Variants in CA5A observed in about 807,000 individuals in gnomAD.
The protein encoded by CA5A is carbonic anhydrase 5A, also known as carbonic anhydrase 5A, mitochondrial.
CA5A carries 28 observed loss-of-function variants against 37.1 expected under a neutral mutation model. That is an observed-to-expected ratio of 0.75 (90% CI 0.56 to 1.03). CA5A has a LOEUF of 1.03. Ranked by LOEUF, CA5A falls within the 50% of genes least tolerant of loss-of-function variation. The probability of loss-of-function intolerance (pLI) is 0.00; values close to 1 mark genes in which losing one functional copy is unlikely to be tolerated. For synonymous variants in CA5A, 171 were observed against 158.4 expected (o/e 1.08, Z -0.60); for missense variants, 444 against 399.9 (o/e 1.11, Z -0.94).
At chr16:87,916,108 C>T (rs1186057775) in intron 2 of CA5A, among the ~76,000 whole-genome samples, 1 of 147,298 alleles carries the variant, frequency 6.8e-6, no homozygotes, top group East Asian at 2.0e-4. Flanking sequence ...GTGGAGCTTG[C>T]AGTGAGCAGA....
At chr16:87,916,297 A>G (rs949486566) in intron 2 of CA5A, among the ~76,000 whole-genome samples, 6 of 152,322 alleles carry the variant, frequency 3.9e-5, no homozygotes, top group South Asian at 2.1e-4. Context: ...CCTGGCCCAC[A>G]TGGTGAAACC....
intron 2 of CA5A, among the ~76,000 whole-genome samples, chr16:87,920,257 C>T (rs913533941): frequency 1.3e-5 from 2 of 152,184 alleles, no homozygotes; most frequent in Non-Finnish European, 2.9e-5. Context: ...TCCTCCTGCT[C>T]CCTCCCTTCC....
chr16:87,936,086 C>T (rs1457271995), intron 1 of CA5A, among the ~76,000 whole-genome samples: 10 of 150,836 alleles, frequency 6.6e-5, no homozygotes, highest in Admixed American at 3.3e-4. Flanking sequence ...GCAGGAGAAT[C>T]GCTTGAACCC....
At chr16:87,887,360 T>C (rs9708468), downstream of CA5A, 26,466 of 151,438 alleles carry the variant, frequency 0.17, 2,468 homozygotes, top group South Asian at 0.27. Flanking sequence ...CTGCCTGCCT[T>C]GGCCTCCCAA....
intron 2 of CA5A, among the ~76,000 whole-genome samples, chr16:87,922,912 C>T (rs925544515): frequency 6.6e-6 from 1 of 152,254 alleles, no homozygotes; most frequent in African/African-American, 2.4e-5. Context: ...GTTCCCCAAG[C>T]CTTCTTTTTC....
chr16:87,892,976 G>A, intron 5 of CA5A: 5 of 1,093,166 alleles, frequency 4.6e-6, no homozygotes, highest in Non-Finnish European at 6.8e-6. Context: ...AGGGAGTCAT[G>A]GTGGCCAAGA....
downstream of CA5A, chr16:87,884,977 A>T (rs1300649692): frequency 6.6e-6 from 1 of 152,518 alleles, no homozygotes; most frequent in African/African-American, 2.4e-5. Context: ...CAGCCTGACC[A>T]ACATGGAGAA....
At chr16:87,895,374 T>C (rs56752445) in intron 5 of CA5A, among the ~76,000 whole-genome samples, 33,854 of 151,950 alleles carry the variant, frequency 0.22, 4,214 homozygotes, top group African/African-American at 0.32. Context: ...GGCGAAACCA[T>C]GTCTCTACTA....
rs752671726 is a variant in CA5A, at chr16:87,914,829, A to C, written c.341-9925T>G. ...CCGTCCCCTAAGTGTTTCCCTAGGCAAGGTTCTCATTCCCCTCGTCAGGGG... is the reference window on the plus strand; with the variant it reads ...CCGTCCCCTAAGTGTTTCCCTAGGCCAGGTTCTCATTCCCCTCGTCAGGGG... On this transcript the variant is annotated intron_variant, in intron 2 of 6. Coordinates refer to ENST00000649794, the MANE Select transcript of CA5A (RefSeq NM_001739.2). Among the ~76,000 whole-genome samples the C allele has an allele frequency of 2.3e-4, 35 of 152,296 alleles. 1 individual carries two copies. The highest frequency in any genetic ancestry group is 1.2e-3 in the South Asian group (6 of 4,830).
At chr16:87,882,716 C>T (rs1303183568) in intron 4 of CA5A, 1 of 152,300 alleles carries the variant, frequency 6.6e-6, no homozygotes, top group Non-Finnish European at 1.5e-5. Flanking sequence ...AGCCGTACAC[C>T]CTGTCCTTCA....
At chr16:87,932,189 A>AC (rs559342375) in intron 1 of CA5A, among the ~76,000 whole-genome samples, 6 of 150,746 alleles carry the variant, frequency 4.0e-5, no homozygotes, top group East Asian at 2.0e-4. Context: ...AGTGCACTCT[A>AC]CCCCCCCTCC....
chr16:87,922,506 G>A (rs4843739), intron 2 of CA5A, among the ~76,000 whole-genome samples: 21,961 of 152,240 alleles, frequency 0.14, 1,765 homozygotes, highest in East Asian at 0.23. Context: ...AACAGAAAAT[G>A]ACAAGTGTGC....
intron 1 of CA5A, among the ~76,000 whole-genome samples, chr16:87,930,649 G>T (rs2144093378): frequency 6.6e-6 from 1 of 152,242 alleles, no homozygotes; most frequent in African/African-American, 2.4e-5. Context: ...CTGCGGCGTG[G>T]GGACAGCACA....
intron 2 of CA5A, among the ~76,000 whole-genome samples, chr16:87,919,225 G>A (rs1303654888): frequency 1.3e-5 from 2 of 152,214 alleles, no homozygotes; most frequent in African/African-American, 2.4e-5. Flanking sequence ...GGGAGGGGCC[G>A]AGGTCAGCTC....
intron 6 of CA5A, among the ~76,000 whole-genome samples, chr16:87,890,983 G>C (rs142578416): frequency 0.17 from 26,334 of 151,610 alleles, 2,454 homozygotes; most frequent in South Asian, 0.27. Flanking sequence ...TAGTAGAGAC[G>C]GGGTTTCACC....
At chr16:87,889,997 C>T (rs2055690408) in intron 6 of CA5A, among the ~76,000 whole-genome samples, 2 of 152,182 alleles carry the variant, frequency 1.3e-5, no homozygotes. Flanking sequence ...TGGGCCGTGA[C>T]CACGGTGTGC....
At chr16:87,919,517 C>T (rs1266328845) in intron 2 of CA5A, among the ~76,000 whole-genome samples, 10 of 152,116 alleles carry the variant, frequency 6.6e-5, no homozygotes, top group Admixed American at 3.9e-4. Flanking sequence ...AGGGAACCCC[C>T]GTGAGTGTCC....
At chr16:87,896,171 G>T (rs1567516804) in intron 5 of CA5A, among the ~76,000 whole-genome samples, 1 of 152,222 alleles carries the variant, frequency 6.6e-6, no homozygotes, top group Non-Finnish European at 1.5e-5. Context: ...CTTGCCCAAA[G>T]CCACGTTGCC....
At chr16:87,929,558 A>G (rs141786134) in intron 1 of CA5A, among the ~76,000 whole-genome samples, 1 of 152,044 alleles carries the variant, frequency 6.6e-6, no homozygotes, top group South Asian at 2.1e-4. Context: ...ACTTGAAAAA[A>G]TTTTTAGCTG....
Sources: gnomAD v4.1 joint callset for allele counts (sites outside exome capture counted in the v4.1 genomes callset) on GRCh38, gnomAD v4.1.1 for gene constraint, MANE v1.5 for transcripts, NCBI Gene and HGNC (gene_info 2026-07-23, HGNC 2026-07-21) for gene names.